ADAM2: variants seen among roughly 807,000 people sequenced by gnomAD.
ADAM2 encodes the protein ADAM metallopeptidase domain 2.
A neutral mutation model predicts 99.3 loss-of-function variants in ADAM2; 101 were observed. The ratio of observed to expected loss-of-function variants is 1.02; its 90% CI spans 0.87 to 1.20. ADAM2 has a LOEUF of 1.20. Ranked by LOEUF, ADAM2 falls within the 50% of genes most tolerant of loss-of-function variation. The pLI is 0.00. For missense variants in ADAM2, 948 were observed against 878.7 expected, an observed-to-expected ratio of 1.08 and a Z score of -1.00; for synonymous variants, 323 against 287.6, an observed-to-expected ratio of 1.12 and a Z score of -1.25.
intron 7 of ADAM2, among the ~76,000 whole-genome samples, chr8:39,804,554 G>A (rs189908733): frequency 1.3e-5 from 2 of 152,128 alleles, no homozygotes; most frequent in African/African-American, 4.8e-5. Context: ...CAATCCTGAA[G>A]TATAATATAT....
intron 2 of ADAM2, among the ~76,000 whole-genome samples, chr8:39,836,214 T>C (rs1368720833): frequency 6.6e-6 from 1 of 152,178 alleles, no homozygotes; most frequent in East Asian, 1.9e-4. Context: ...CATTTTTTTT[T>C]ACTTATTGCA....
rs765246224 is a variant in ADAM2, at chr8:39,837,213, C to CTGCAAAAGG, written c.56-2_56-1insCCTTTTGCA. The CTGCAAAAGG allele has an allele frequency of 1.1e-5, 18 of 1,602,240 alleles. No homozygotes were observed. The highest frequency in any genetic ancestry group is 1.4e-5 in the Non-Finnish European group (16 of 1,172,632). ...ATTTGCACAGGTAAACTATCAAAAT[C>CTGCAAAAGG]TGCAAAATGTGCAAAATGTTTTATT... On this transcript the variant is annotated splice_acceptor_variant, in intron 1 of 20. Transcript: ENST00000265708. LOFTEE classifies it high-confidence loss of function.
At chr8:39,766,659 C>T (rs570779854) in intron 14 of ADAM2, among the ~76,000 whole-genome samples, 189 bp downstream of exon 14, 92 of 152,214 alleles carry the variant, frequency 6.0e-4, no homozygotes, top group Middle Eastern at 3.4e-3. Flanking sequence ...CTGCCCGCCT[C>T]GGCCTCCCAA....
intron 3 of ADAM2, among the ~76,000 whole-genome samples, chr8:39,827,365 C>T (rs1288593274): frequency 6.6e-6 from 1 of 152,070 alleles, no homozygotes; most frequent in African/African-American, 2.4e-5. Flanking sequence ...CTGTATGATT[C>T]AGCCGTCCCT....
At chr8:39,769,075 C>T (rs1802676491) in intron 12 of ADAM2, among the ~76,000 whole-genome samples, 1 of 152,064 alleles carries the variant, frequency 6.6e-6, no homozygotes, top group Admixed American at 6.6e-5. Context: ...TCAAAATGTA[C>T]TCATATACTC....
At chr8:39,775,871 C>A (rs747065688) in intron 11 of ADAM2, among the ~76,000 whole-genome samples, 4 of 152,016 alleles carry the variant, frequency 2.6e-5, no homozygotes, top group South Asian at 2.1e-4. Context: ...TAAAACACCT[C>A]TTTTATGATG....
chr8:39,778,350 T>C (rs1803082448), intron 10 of ADAM2, among the ~76,000 whole-genome samples: 1 of 152,074 alleles, frequency 6.6e-6, no homozygotes, highest in East Asian at 1.9e-4. Flanking sequence ...TGCTTTGCCC[T>C]TGAGTTTTAC....
chr8:39,777,846 T>C (rs1803058084), intron 10 of ADAM2, among the ~76,000 whole-genome samples: 1 of 151,718 alleles, frequency 6.6e-6, no homozygotes, highest in African/African-American at 2.4e-5. Flanking sequence ...ATTAAAAAAA[T>C]TGATTCCTCA....
chr8:39,745,531 T>A (rs890907701), intron 19 of ADAM2, among the ~76,000 whole-genome samples: 17 of 152,086 alleles, frequency 1.1e-4, no homozygotes, highest in Non-Finnish European at 5.9e-5. Context: ...CCAGTTTTAA[T>A]GTTTACTTGT....
chr8:39,772,331 A>G (rs1215514525), intron 11 of ADAM2, among the ~76,000 whole-genome samples: 1 of 152,044 alleles, frequency 6.6e-6, no homozygotes, highest in African/African-American at 2.4e-5. Flanking sequence ...GAACATATAT[A>G]GAAGTCAAAT....
chr8:39,772,042 C>T (rs1802803179), intron 11 of ADAM2, among the ~76,000 whole-genome samples: 1 of 147,114 alleles, frequency 6.8e-6, no homozygotes, highest in African/African-American at 2.5e-5. Flanking sequence ...ACAAACCGCA[C>T]GTTGTGCACA....
chr8:39,749,318 G>T lies in ADAM2; in HGVS notation c.2008C>A (p.Leu670Ile). Residue 670 changes from leucine to isoleucine, a missense_variant, in exon 18 of 21, where the codon CTC becomes ATC. Physicochemically the swap from Leu to Ile is conservative, Grantham distance 5 (BLOSUM62 2). Coordinates refer to ENST00000265708, the MANE Select transcript of ADAM2 (RefSeq NM_001464.5). The stretch of plus-strand genomic sequence containing the variant: ...ATTTATTATTAATACTTACCAGGGA[G>T]TCTGGCTGGTATAGCTACAGGTGGA... The part of the protein sequence containing the change: ...NFPPVAIPAR[L>I]PERRYIENIY... 6.2e-7 allele frequency: 1 copy of T among 1,609,516 alleles called. No individual in the cohort carries two copies. The highest frequency in any genetic ancestry group is 8.5e-7 in the Non-Finnish European group (1 of 1,177,514).
In ADAM2 at chr8:39,797,033, G is replaced by T. The variant is rs542334659; in HGVS notation, c.571-8293C>A. Among the ~76,000 whole-genome samples the T allele has an allele frequency of 2.6e-5, 4 of 152,198 alleles. No homozygotes were observed. In the East Asian group the frequency reaches 7.7e-4, roughly 29 times the overall value. ...CTCTGATGATAGTTTCTTTTGCTGT[G>T]CAGAAGCTCTTTAGTTTATTTAGAT... On this transcript the variant is annotated intron_variant, in intron 7 of 20. Transcript: ENST00000265708.
chr8:39,787,026 G>A lies in ADAM2; in HGVS notation c.839C>T (p.Ala280Val), dbSNP rs767862991. 1.3e-6 allele frequency: 2 copies of A among 1,589,582 alleles called. No individual in the cohort carries two copies. Among genetic ancestry groups the A allele is most frequent in the Non-Finnish European group, 8.6e-7 (1 of 1,167,382 alleles). ...VYREKSNYVG[A>V]TFQGKMCDAN... ...ATCACACATCTTCCCTTGAAAGGTT[G>A]CACCAACATAATTTGACTTTTCTCT... The change falls in exon 10 of 21, where the codon GCA becomes GTA. Residue 280 changes from alanine (A) to valine (V), a missense_variant. Transcript: ENST00000265708.
intron 17 of ADAM2, 86 bp downstream of exon 17, chr8:39,749,581 G>GCGCA: frequency 7.8e-7 from 1 of 1,283,034 alleles, no homozygotes. Context: ...GTGTGTGTGT[G>GCGCA]TGTGCGTGTG....
chr8:39,774,227 G>T (rs1802898426), intron 11 of ADAM2, among the ~76,000 whole-genome samples: 1 of 151,896 alleles, frequency 6.6e-6, no homozygotes, highest in South Asian at 2.1e-4. Flanking sequence ...TTGGTGAAAA[G>T]TTACAAGTCT....
intron 14 of ADAM2, among the ~76,000 whole-genome samples, chr8:39,764,847 C>T (rs1802506207): frequency 2.0e-5 from 3 of 152,070 alleles, no homozygotes; most frequent in Admixed American, 2.0e-4. Flanking sequence ...AACCCTATCT[C>T]TATTAAAAAA....
intron 1 of ADAM2, among the ~76,000 whole-genome samples, chr8:39,837,624 A>T (rs921680561): frequency 3.9e-5 from 6 of 152,050 alleles, no homozygotes; most frequent in Non-Finnish European, 5.9e-5. Flanking sequence ...TGACCTCGTG[A>T]TACGCCTTCC....
rs757814281 is a variant in ADAM2 at position 39,833,979 on chromosome 8, A to T, written c.153T>A (p.Ile51=). 1 of 1,577,688 alleles carries T rather than the reference A, an allele frequency of 6.3e-7. No homozygotes were observed. The highest frequency in any genetic ancestry group is 1.1e-5 in the South Asian group (1 of 89,440). The stretch of plus-strand genomic sequence containing the variant: ...AATTCACAGTATATGGTTTCCCTTC[A>T]ATTACAATTTTGTAGGATGCCTGGC... ...IESQASYKIV[I]EGKPYTVNLM... is the part of the protein sequence containing the mutation. Residue 51 remains isoleucine (I), a synonymous_variant, in exon 3 of 21, where the codon ATT becomes ATA. Coordinates refer to ENST00000265708, the MANE Select transcript of ADAM2 (RefSeq NM_001464.5).
Sources: gnomAD v4.1 joint callset for allele counts (sites outside exome capture counted in the v4.1 genomes callset) on GRCh38, gnomAD v4.1.1 for gene constraint, MANE v1.5 for transcripts, NCBI Gene and HGNC (gene_info 2026-07-23, HGNC 2026-07-21) for gene names.